Variants in ZFHX3 observed in about 807,000 individuals in gnomAD.
ZFHX3 encodes zinc finger homeobox 3, also known as zinc finger homeobox protein 3.
Under a neutral mutation model 279.1 loss-of-function variants are expected in ZFHX3, and 42 were observed. The ratio of observed to expected loss-of-function variants is 0.15; its 90% CI spans 0.12 to 0.19. The LOEUF (loss-of-function observed/expected upper bound fraction) is 0.19. ZFHX3 is among the 10% of genes least tolerant of loss of function. The pLI is 1.00. For synonymous variants in ZFHX3, 2,293 were observed against 1,957.8 expected (o/e 1.17, Z -4.52); for missense variants, 4,981 against 4,754.0 (o/e 1.05, Z -1.40).
chr16:72,896,122 A>G lies in ZFHX3; in HGVS notation c.3217-6160T>C, dbSNP rs80016855. Among the ~76,000 whole-genome samples the G allele has an allele frequency of 5.9e-3, 901 of 152,336 alleles. 23 individuals are homozygous for G. The highest frequency in any genetic ancestry group is 0.058 in the East Asian group (300 of 5,184). ...AAGTCCTCCAAATGCTGTGCAGCGG[A>G]TAACAGACTGTCCTCATCTGGATTA... On this transcript the variant is annotated intron_variant, in intron 3 of 9. Transcript: ENST00000268489.
chr16:73,133,877 C>A (rs560834655), intron 6 of ZFHX3, among the ~76,000 whole-genome samples: 13 of 152,240 alleles, frequency 8.5e-5, no homozygotes, highest in African/African-American at 3.1e-4. Flanking sequence ...CCCACAAGTG[C>A]CTGCATTTTA....
At chr16:72,919,542 T>C (rs1269592367) in intron 3 of ZFHX3, among the ~76,000 whole-genome samples, 1 of 151,198 alleles carries the variant, frequency 6.6e-6, no homozygotes, top group African/African-American at 2.4e-5. Context: ...GGTATCTTTA[T>C]TTTTAAGAAA....
intron 3 of ZFHX3, among the ~76,000 whole-genome samples, chr16:73,406,809 G>T (rs1047157213): frequency 1.3e-5 from 2 of 152,184 alleles, no homozygotes; most frequent in African/African-American, 4.8e-5. Context: ...GTCTGCAAAA[G>T]AACAGAAAGA....
rs182748070 is a variant in ZFHX3 at position 73,329,855 on chromosome 16, C to T, written c.-1290-11519G>A. ...GAAAGGCGAGTGTGAATTTTCGGCA[C>T]GAGTGAGTTGAAAGACTGCTTGCAG... is the stretch of plus-strand genomic sequence containing the variant. On this transcript the variant is annotated intron_variant, in intron 3 of 17. Transcript: ENST00000641206. 1.1e-4 allele frequency among the ~76,000 whole-genome samples: 17 copies of T among 152,262 alleles called. No individual in the cohort carries two copies. In the East Asian group the frequency reaches 1.7e-3, roughly 16 times the overall value.
chr16:72,849,073 G>C (rs138663111), intron 4 of ZFHX3, among the ~76,000 whole-genome samples: 1 of 152,190 alleles, frequency 6.6e-6, no homozygotes, highest in East Asian at 1.9e-4. Flanking sequence ...AAGCCCGGGG[G>C]TGGGGGATGT....
At chr16:73,644,455 T>G (rs1006624261) in intron 2 of ZFHX3, among the ~76,000 whole-genome samples, 1 of 151,864 alleles carries the variant, frequency 6.6e-6, no homozygotes, top group Non-Finnish European at 1.5e-5. Flanking sequence ...AGGTCAGGAG[T>G]TCGAGACCAG....
At chr16:72,820,813 C>T (rs1249965546) in intron 5 of ZFHX3, among the ~76,000 whole-genome samples, 1 of 152,138 alleles carries the variant, frequency 6.6e-6, no homozygotes, top group East Asian at 1.9e-4. Flanking sequence ...CCTCAGAAAC[C>T]TTTGGACCAA....
At chr16:73,036,435 T>C (rs1964909895) in intron 1 of ZFHX3, among the ~76,000 whole-genome samples, 1 of 152,006 alleles carries the variant, frequency 6.6e-6, no homozygotes, top group Non-Finnish European at 1.5e-5. Context: ...AAAAGGAGTT[T>C]AGGAAGAAAG....
chr16:73,538,638 C>T (rs1026683676), intron 2 of ZFHX3, among the ~76,000 whole-genome samples: 8 of 152,168 alleles, frequency 5.3e-5, no homozygotes, highest in Non-Finnish European at 1.5e-5. Context: ...CAAATGGCCT[C>T]GTTTCTTGCG....
In ZFHX3 at chr16:73,713,982, C is replaced by T. The variant is rs115068077; in HGVS notation, c.-1607-33742G>A. Among the ~76,000 whole-genome samples, 537 of 152,280 alleles carry T rather than the reference C, an allele frequency of 3.5e-3. 5 individuals carry two copies. Among genetic ancestry groups the T allele is most frequent in the African/African-American group, 0.012 (498 of 41,548 alleles). On this transcript the variant is annotated intron_variant, in intron 1 of 17. Coordinates refer to the ZFHX3 transcript ENST00000641206. ...AAGTACAGCCAGAGGAAGCAGATCACCGATACCCAGCGGCTGGCACCAGCT... is the reference window on the plus strand; with the variant it reads ...AAGTACAGCCAGAGGAAGCAGATCATCGATACCCAGCGGCTGGCACCAGCT...
At chr16:73,801,776 T>C (rs1253751590) in intron 1 of ZFHX3, among the ~76,000 whole-genome samples, 8 of 152,184 alleles carry the variant, frequency 5.3e-5, no homozygotes, top group Admixed American at 5.2e-4. Context: ...GCGAGTGTGG[T>C]CATTGCTGTG....
intron 1 of ZFHX3, among the ~76,000 whole-genome samples, chr16:73,791,788 C>T (rs543080443): frequency 1.3e-5 from 2 of 152,322 alleles, no homozygotes; most frequent in East Asian, 3.9e-4. Flanking sequence ...ACCGCACTTG[C>T]AAACCACTGG....
chr16:72,942,430 G>T (rs1378687196), intron 3 of ZFHX3, among the ~76,000 whole-genome samples: 1 of 152,208 alleles, frequency 6.6e-6, no homozygotes, highest in African/African-American at 2.4e-5. Flanking sequence ...GTGGGGGGTA[G>T]GTGAAGGTAC....
At chr16:73,721,769 G>A (rs1317273347) in intron 1 of ZFHX3, among the ~76,000 whole-genome samples, 2 of 152,302 alleles carry the variant, frequency 1.3e-5, no homozygotes, top group East Asian at 1.9e-4. Flanking sequence ...AGTGGGCCAG[G>A]CACAATGGCT....
At chr16:73,243,312 T>C (rs74942700) in intron 5 of ZFHX3, among the ~76,000 whole-genome samples, 3,407 of 152,310 alleles carry the variant, frequency 0.022, 89 homozygotes, top group East Asian at 0.11. Flanking sequence ...TCTTAGTGGG[T>C]ATTGGAAGGT....
intron 1 of ZFHX3, among the ~76,000 whole-genome samples, chr16:73,770,617 C>A (rs2054006778): frequency 6.6e-6 from 1 of 152,106 alleles, no homozygotes; most frequent in African/African-American, 2.4e-5. Flanking sequence ...CCAAAATAAA[C>A]AAGAAAATAG....
In ZFHX3 at chr16:73,191,826, A is replaced by G. The variant is rs924904235; in HGVS notation, c.-1103-47995T>C. 7.9e-5 allele frequency among the ~76,000 whole-genome samples: 12 copies of G among 152,212 alleles called. No homozygotes were observed. In the East Asian group the frequency reaches 9.6e-4, roughly 12 times the overall value. ...AATCTCTTAAAAGAGGGGAAGGAGA[A>G]AAGCTGGCCTCTCTGGCTTGTAGCC... On this transcript the variant is annotated intron_variant, in intron 5 of 17. Transcript: ENST00000641206.
At chr16:72,926,580 T>A (rs1205182152) in intron 3 of ZFHX3, among the ~76,000 whole-genome samples, 1 of 152,198 alleles carries the variant, frequency 6.6e-6, no homozygotes, top group Admixed American at 6.5e-5. Context: ...TGGATACTAA[T>A]TGTTTTAATA....
intron 5 of ZFHX3, among the ~76,000 whole-genome samples, chr16:73,178,054 C>T (rs1967705298): frequency 6.6e-6 from 1 of 152,238 alleles, no homozygotes; most frequent in Non-Finnish European, 1.5e-5. Context: ...CTAACTGTAG[C>T]TTCCACCAGG....
Sources: gnomAD v4.1 joint callset for allele counts (sites outside exome capture counted in the v4.1 genomes callset) on GRCh38, gnomAD v4.1.1 for gene constraint, MANE v1.5 for transcripts, NCBI Gene and HGNC (gene_info 2026-07-23, HGNC 2026-07-21) for gene names.